The following ARID1B variants were observed in gnomAD, a reference collection of about 807,000 sequenced individuals.
ARID1B encodes AT-rich interactive domain-containing protein 1B.
Under a neutral mutation model 212.3 loss-of-function variants are expected in ARID1B, and 30 were observed. That is an observed-to-expected ratio of 0.14 (90% confidence interval 0.11 to 0.19). The LOEUF is 0.19. ARID1B is among the 10% of genes least tolerant of loss of function. The pLI, the probability that ARID1B is intolerant of heterozygous loss-of-function variation, is 1.00. For synonymous variants in ARID1B, 1,402 were observed against 1,301.7 expected, an observed-to-expected ratio of 1.08 and a Z score of -1.66; for missense variants, 2,891 against 3,204.0, an observed-to-expected ratio of 0.90 and a Z score of 2.36.
chr6:157,063,021 G>T (rs1478156767), intron 4 of ARID1B, among the ~76,000 whole-genome samples: 2 of 152,046 alleles, frequency 1.3e-5, no homozygotes, highest in Non-Finnish European at 2.9e-5. Context: ...ATATTTTAAA[G>T]AAATAAGTTA....
chr6:156,829,449 T>A (rs73572289), intron 2 of ARID1B, 28 bp downstream of exon 2: 20 of 1,593,866 alleles, frequency 1.3e-5, no homozygotes, highest in Non-Finnish European at 1.7e-5. Flanking sequence ...GACCCGCTGC[T>A]TTTTTGTAAT....
chr6:156,857,902 A>G (rs1228867182), intron 2 of ARID1B, among the ~76,000 whole-genome samples: 1 of 152,254 alleles, frequency 6.6e-6, no homozygotes, highest in Non-Finnish European at 1.5e-5. Context: ...ACTCTAGGCA[A>G]CTGGAACACA....
intron 4 of ARID1B, among the ~76,000 whole-genome samples, chr6:157,012,942 TG>T (rs60132436): frequency 0.3 from 45,787 of 152,078 alleles, 7,026 homozygotes; most frequent in Non-Finnish European, 0.32. Context: ...TGCAATGGCA[TG>T]ATCTCGGCTC....
intron 13 of ARID1B, chr6:157,186,530 G>A: frequency 4.2e-6 from 2 of 471,164 alleles, no homozygotes; most frequent in South Asian, 3.1e-5. Flanking sequence ...CACCCACACA[G>A]CAGGTGGCCT....
intron 1 of ARID1B, among the ~76,000 whole-genome samples, chr6:156,793,651 A>C (rs935148678): frequency 6.6e-6 from 1 of 152,122 alleles, no homozygotes; most frequent in Non-Finnish European, 1.5e-5. Flanking sequence ...ATGGTTTTTC[A>C]AAAAGGGTGG....
intron 4 of ARID1B, among the ~76,000 whole-genome samples, chr6:157,053,478 A>C (rs1212392810): frequency 2.0e-5 from 3 of 152,216 alleles, no homozygotes. Flanking sequence ...CAATAGTATA[A>C]ACAGAGCAGT....
rs2128290244 is a variant in ARID1B at position 157,167,046 on chromosome 6, C to T, written c.3096C>T (p.Gly1032=). 6.2e-7 allele frequency: 1 copy of T among 1,611,236 alleles called. No homozygotes were observed. Reference sequence around the variant, plus strand: ...GTGCTTTCTCTTCCTGTAGGCAAGGCAGTTTCCCCGGCATGAACCAGAGTG... The same window carrying T: ...GTGCTTTCTCTTCCTGTAGGCAAGGTAGTTTCCCCGGCATGAACCAGAGTG... ...AAANSAQSRQ[G]SFPGMNQSGL... Residue 1032 remains glycine, a synonymous_variant, in exon 9 of 20, where the codon GGC becomes GGT. Coordinates refer to ENST00000636930, the MANE Select transcript of ARID1B (RefSeq NM_001374828.1).
At chr6:157,171,262 T>C (rs1791699998) in intron 9 of ARID1B, among the ~76,000 whole-genome samples, 1 of 152,252 alleles carries the variant, frequency 6.6e-6, no homozygotes, top group Admixed American at 6.5e-5. Flanking sequence ...TGAAAAGTAT[T>C]TACAGTGCTC....
At position 157,190,001 on chromosome 6, in the gene ARID1B, C is replaced by G; in HGVS notation, c.4059-37C>G. ...ATGTACTGTTTGGAGGTAACTCCTGCTGTATCATTAAGCTTTCATTCTTTG... is the reference window on the plus strand; with the variant it reads ...ATGTACTGTTTGGAGGTAACTCCTGGTGTATCATTAAGCTTTCATTCTTTG... On this transcript the variant is annotated intron_variant, in intron 14 of 19. Transcript: ENST00000636930. This position sits in a 1 kb window ranked among gnomAD's most constrained non-coding sequence, Gnocchi z 4.6. The G allele has an allele frequency of 6.2e-7, 1 of 1,607,696 alleles. No homozygotes were observed. The highest frequency in any genetic ancestry group is 8.5e-7 in the Non-Finnish European group (1 of 1,176,606).
intron 2 of ARID1B, chr6:156,871,544 G>A (rs1020145826): frequency 7.0e-7 from 1 of 1,420,362 alleles, no homozygotes; most frequent in Non-Finnish European, 9.8e-7. Context: ...ATAAGCCACA[G>A]GGCCAAGATG....
chr6:156,984,605 T>C (rs1777809765), intron 4 of ARID1B: 1 of 152,140 alleles, frequency 6.6e-6, no homozygotes, highest in African/African-American at 2.4e-5. Context: ...TGGGGTGCAG[T>C]TGTGGGTGAA....
At chr6:156,884,784 A>C (rs769824591) in intron 2 of ARID1B, among the ~76,000 whole-genome samples, 8 of 152,210 alleles carry the variant, frequency 5.3e-5, no homozygotes, top group African/African-American at 7.2e-5. Context: ...GGCAGTAAGA[A>C]ATAGCTGTAG....
At position 157,084,713 on chromosome 6, in the gene ARID1B, A is replaced by T. The variant is rs1231045566; in HGVS notation, c.2299A>T (p.Ser767Cys). The T allele has an allele frequency of 1.2e-6, 2 of 1,614,004 alleles. No individual in the cohort carries two copies. Among genetic ancestry groups the T allele is most frequent in the Admixed American group, 3.3e-5 (2 of 59,994 alleles). The change falls in exon 5 of 20, where the codon AGC becomes TGC. Residue 767 changes from serine to cysteine, a missense_variant. By Grantham distance (112) the Ser-to-Cys change is moderately radical. Around this residue, in one of 7 missense-constraint regions of ARID1B, gnomAD observed 1,643 missense variants for 1,544.0 expected, o/e 1.06. Transcript: ENST00000636930. Reference sequence around the variant, plus strand: ...CCCCACGGGAACGGAAGCAACTTTGAGCTCAGCAGTCAGTGCATCCGGGTC... The same window carrying T: ...CCCCACGGGAACGGAAGCAACTTTGTGCTCAGCAGTCAGTGCATCCGGGTC... The part of the protein sequence containing the change: ...DLPTGTEATL[S>C]SAVSASGSTS...
rs2128170505 is a variant in ARID1B at position 156,882,225 on chromosome 6, C to T, written c.1987-19151C>T. ...CCTCTCAGCCTTGGTCCCGGTGGAG[C>T]AGCAATTCCCATGTTCTGGGACCCA... On this transcript the variant is annotated intron_variant, in intron 2 of 19. Transcript: ENST00000636930. Among the ~76,000 whole-genome samples the T allele has an allele frequency of 2.6e-5, 4 of 152,234 alleles. No individual in the cohort carries two copies. The South Asian group carries it at 8.3e-4, about 32-fold the overall frequency.
intron 4 of ARID1B, among the ~76,000 whole-genome samples, chr6:157,019,388 A>G (rs1780092641): frequency 1.3e-5 from 2 of 152,350 alleles, no homozygotes; most frequent in South Asian, 4.1e-4. Flanking sequence ...TCTCATAACA[A>G]CCATCAGAGC....
chr6:157,191,093 T>C (rs1427109821), intron 15 of ARID1B, among the ~76,000 whole-genome samples: 1 of 151,982 alleles, frequency 6.6e-6, no homozygotes, highest in South Asian at 2.1e-4. Context: ...AGGGAAGTGA[T>C]GTGAGTAGTT....
chr6:156,957,709 G>A (rs1343755290), intron 4 of ARID1B, among the ~76,000 whole-genome samples: 2 of 152,100 alleles, frequency 1.3e-5, no homozygotes, highest in East Asian at 1.9e-4. Flanking sequence ...TTTCTCCCAC[G>A]AGTCTCAAAT....
chr6:156,992,018 G>A (rs1488645357), intron 4 of ARID1B, among the ~76,000 whole-genome samples: 1 of 152,120 alleles, frequency 6.6e-6, no homozygotes, highest in African/African-American at 2.4e-5. Flanking sequence ...ATGAACTCTT[G>A]TTATGTCTAA....
chr6:156,872,299 C>G (rs566142494), intron 2 of ARID1B, among the ~76,000 whole-genome samples: 16 of 152,210 alleles, frequency 1.1e-4, no homozygotes, highest in Admixed American at 6.5e-4. Flanking sequence ...GGAATCATAC[C>G]TGGTCAGTTT....
Sources: allele counts gnomAD v4.1 joint callset (sites outside exome capture counted in the v4.1 genomes callset), GRCh38; gene constraint gnomAD v4.1.1; regional missense constraint gnomAD v4.1.1; non-coding constraint Gnocchi (gnomAD v3.1); transcripts MANE v1.5; gene names NCBI Gene and HGNC (gene_info 2026-07-23, HGNC 2026-07-21).